RNLS: variants seen among roughly 807,000 people sequenced by gnomAD.
The protein encoded by RNLS is renalase, FAD dependent amine oxidase, also known as renalase.
A neutral mutation model predicts 39.8 loss-of-function variants in RNLS; 39 were observed. The observed-to-expected ratio is 0.98, with a 90% CI of 0.76 to 1.28. The LOEUF is 1.28. Ranked by LOEUF, RNLS falls within the 50% of genes most tolerant of loss-of-function variation. RNLS has a pLI of 0.00. For synonymous variants in RNLS, 147 were observed against 150.7 expected (o/e 0.98, Z 0.18); for missense variants, 410 against 413.3 (o/e 0.99, Z 0.07).
At chr10:88,337,994 C>T (rs1317370704) in intron 5 of RNLS, among the ~76,000 whole-genome samples, 1 of 152,184 alleles carries the variant, frequency 6.6e-6, no homozygotes, top group Non-Finnish European at 1.5e-5. Flanking sequence ...CTTTAGAAAG[C>T]ATGACCAAAT....
At chr10:88,439,752 G>T (rs1033933617) in intron 4 of RNLS, among the ~76,000 whole-genome samples, 3 of 152,158 alleles carry the variant, frequency 2.0e-5, no homozygotes, top group Non-Finnish European at 4.4e-5. Context: ...TCAGACACAG[G>T]TTTCCCAGCT....
chr10:88,579,960 T>G (rs1850438988), intron 3 of RNLS, among the ~76,000 whole-genome samples: 1 of 152,282 alleles, frequency 6.6e-6, no homozygotes, highest in South Asian at 2.1e-4. Flanking sequence ...TGATCCTCCT[T>G]CACATAAAGG....
At chr10:88,267,120 TA>T in the RNLS span, among the ~76,000 whole-genome samples, 1,638 of 152,340 alleles carry the variant, frequency 0.011, 26 homozygotes, top group African/African-American at 0.035. Context: ...ATTTTCCTTC[TA>T]ATTTGGTCTT....
chr10:88,581,699 C>T lies in RNLS; in HGVS notation c.235G>A (p.Glu79Lys). 6.4e-7 allele frequency: 1 copy of T among 1,566,256 alleles called. No individual in the cohort carries two copies. The highest frequency in any genetic ancestry group is 8.6e-7 in the Non-Finnish European group (1 of 1,160,544). Residue 79 changes from glutamate to lysine, a missense_variant, in exon 3 of 7, where the codon GAA (glutamate) becomes AAA (lysine). Transcript: ENST00000331772. ...YAKKHQRFYDELLAYGVLRPL... is the reference protein window; with the variant it reads ...YAKKHQRFYDKLLAYGVLRPL... ...CTCAAAACGCCATAGGCTAACAGTT[C>T]ATCATAAAAACTGAAATAAATCAAT...
chr10:88,224,998 C>T, the RNLS span, among the ~76,000 whole-genome samples: 1 of 152,140 alleles, frequency 6.6e-6, no homozygotes, highest in Non-Finnish European at 1.5e-5. Context: ...ACTGGAAAAT[C>T]CAATGATTAA....
chr10:88,426,159 CT>C (rs1412848741), intron 4 of RNLS, among the ~76,000 whole-genome samples: 1 of 152,004 alleles, frequency 6.6e-6, no homozygotes, highest in Non-Finnish European at 1.5e-5. Context: ...GAATATGGCT[CT>C]TTGTACTCAA....
At chr10:88,534,162 G>T (rs568879465) in intron 4 of RNLS, among the ~76,000 whole-genome samples, 27 of 152,190 alleles carry the variant, frequency 1.8e-4, no homozygotes, top group Admixed American at 1.1e-3. Context: ...AGGTCACTGG[G>T]GATGGCCTTT....
At chr10:88,528,134 C>A (rs1417175533) in intron 4 of RNLS, among the ~76,000 whole-genome samples, 2 of 151,396 alleles carry the variant, frequency 1.3e-5, no homozygotes, top group African/African-American at 4.9e-5. Context: ...CACAGGGCTA[C>A]AAAATTTCAG....
chr10:88,444,852 A>T (rs902285718), intron 4 of RNLS, among the ~76,000 whole-genome samples: 2 of 152,226 alleles, frequency 1.3e-5, no homozygotes, highest in African/African-American at 4.8e-5. Flanking sequence ...TGATTGGTGT[A>T]CCTGAAAGTA....
At chr10:88,241,102 T>C in the RNLS span, among the ~76,000 whole-genome samples, 6 of 151,932 alleles carry the variant, frequency 3.9e-5, no homozygotes, top group African/African-American at 1.2e-4. Flanking sequence ...TACTTTGGCA[T>C]GTCTGTTTGT....
At chr10:88,438,829 A>G (rs181422706) in intron 4 of RNLS, among the ~76,000 whole-genome samples, 13 of 152,268 alleles carry the variant, frequency 8.5e-5, no homozygotes, top group Admixed American at 8.5e-4. Context: ...CCAATCTTCT[A>G]GTCTTCTTTT....
chr10:88,217,507 A>G, the RNLS span, among the ~76,000 whole-genome samples: 1 of 152,170 alleles, frequency 6.6e-6, no homozygotes, highest in Admixed American at 6.5e-5. Flanking sequence ...AAGCCAAGAT[A>G]ACTTTGGTTC....
chr10:88,224,506 A>C, the RNLS span, among the ~76,000 whole-genome samples: 1 of 152,216 alleles, frequency 6.6e-6, no homozygotes, highest in Non-Finnish European at 1.5e-5. Flanking sequence ...CTTCTTTGCC[A>C]CAAGATGCTG....
At chr10:88,266,428 C>T in the RNLS span, among the ~76,000 whole-genome samples, 1 of 152,114 alleles carries the variant, frequency 6.6e-6, no homozygotes, top group Non-Finnish European at 1.5e-5. Flanking sequence ...TGATTCCTGG[C>T]CAAAACAGAG....
the RNLS span, among the ~76,000 whole-genome samples, chr10:88,178,719 G>A: frequency 6.6e-6 from 1 of 152,172 alleles, no homozygotes; most frequent in Non-Finnish European, 1.5e-5. Flanking sequence ...CTATGGAGGA[G>A]GCAAGTGCTG....
intron 4 of RNLS, among the ~76,000 whole-genome samples, chr10:88,485,431 G>A (rs1426057095): frequency 6.6e-6 from 1 of 151,636 alleles, no homozygotes; most frequent in African/African-American, 2.4e-5. Context: ...AGCCATACCT[G>A]ACACTATATA....
At chr10:88,419,924 C>T (rs888765455) in intron 4 of RNLS, among the ~76,000 whole-genome samples, 9 of 151,804 alleles carry the variant, frequency 5.9e-5, no homozygotes, top group Non-Finnish European at 1.0e-4. Flanking sequence ...GCAGGTGAAT[C>T]GCTTGAACCT....
the RNLS span, among the ~76,000 whole-genome samples, chr10:88,257,825 T>C: frequency 5.9e-5 from 9 of 152,154 alleles, no homozygotes; most frequent in African/African-American, 1.9e-4. Flanking sequence ...GAGTGGAACA[T>C]TATACACCAA....
At chr10:88,316,416 C>T (rs812631) in intron 5 of RNLS, among the ~76,000 whole-genome samples, 148,382 of 152,282 alleles carry the variant, frequency 0.97, 72,306 homozygotes, top group East Asian at 1. Flanking sequence ...AGTTAATAAA[C>T]TCAGGGAGGC....
Sources: gnomAD v4.1 joint callset for allele counts (sites outside exome capture counted in the v4.1 genomes callset) on GRCh38, gnomAD v4.1.1 for gene constraint, MANE v1.5 for transcripts, NCBI Gene and HGNC (gene_info 2026-07-23, HGNC 2026-07-21) for gene names.